Variants in PACS1 observed in about 807,000 individuals in gnomAD.
PACS1 encodes the protein phosphofurin acidic cluster sorting protein 1.
Under a neutral mutation model 115.0 loss-of-function variants are expected in PACS1, and 24 were observed. The observed-to-expected ratio is 0.21, with a 90% CI of 0.15 to 0.29. The LOEUF is 0.29. Ranked by LOEUF, PACS1 falls within the 10% of genes least tolerant of loss-of-function variation. The pLI is 1.00. For synonymous variants in PACS1, 453 were observed against 504.5 expected (o/e 0.90, Z 1.37); for missense variants, 838 against 1,251.2 (o/e 0.67, Z 4.98).
intron 2 of PACS1, among the ~76,000 whole-genome samples, chr11:66,204,055 C>T (rs1854877750): frequency 6.6e-6 from 1 of 152,120 alleles, no homozygotes. Flanking sequence ...AATGGGATCA[C>T]ATCAAGTTAA....
Position 66,173,936 on chromosome 11 carries a change from C to G in PACS1, c.357-19550C>G, listed in dbSNP as rs547865417. ...GCCTGGTGGCACGCGCCTGTAATCC[C>G]AGCTACTCAGGAAGCTGAGGCATGA... On this transcript the variant is annotated intron_variant, in intron 1 of 23. Coordinates refer to ENST00000320580, the MANE Select transcript of PACS1 (RefSeq NM_018026.4). Among the ~76,000 whole-genome samples, 26 of 152,178 alleles carry G rather than the reference C, an allele frequency of 1.7e-4. No homozygotes were observed. The East Asian group carries it at 2.7e-3, about 16-fold the overall frequency.
chr11:66,078,197 G>A (rs1056850330), intron 1 of PACS1, among the ~76,000 whole-genome samples: 1 of 152,092 alleles, frequency 6.6e-6, no homozygotes, highest in Non-Finnish European at 1.5e-5. Context: ...TAAATACAGT[G>A]GTATCCACAG....
intron 21 of PACS1, among the ~76,000 whole-genome samples, chr11:66,240,064 G>A (rs1295455282): frequency 6.6e-6 from 1 of 152,102 alleles, no homozygotes; most frequent in Non-Finnish European, 1.5e-5. Context: ...ACAGTCAGAG[G>A]GCCTCTCTAA....
chr11:66,202,782 T>TATATATATATATATATA (rs1854845586), intron 2 of PACS1, among the ~76,000 whole-genome samples: 4 of 119,684 alleles, frequency 3.3e-5, no homozygotes, highest in African/African-American at 9.8e-5. Context: ...TATATATATA[T>TATATATATATATATATA]TCTGAAAAAG....
At position 66,208,963 on chromosome 11, in the gene PACS1, A is replaced by G. The variant is rs373613741; in HGVS notation, c.445-1399A>G. On this transcript the variant is annotated intron_variant, in intron 2 of 23. Transcript: ENST00000320580. ...TTTTTTTATTGGTATTAATTTTAAA[A>G]CTGATTTTTTTTTAGACAAATTTAT... Among the ~76,000 whole-genome samples, 10 of 152,234 alleles carry G rather than the reference A, an allele frequency of 6.6e-5. No homozygotes were observed. In the South Asian group the frequency reaches 1.5e-3, roughly 22 times the overall value.
chr11:66,218,384 A>G (rs1855263262), intron 7 of PACS1: 1 of 152,200 alleles, frequency 6.6e-6, no homozygotes, highest in African/African-American at 2.4e-5. Context: ...TCAACAAATA[A>G]TTACAGCCCA....
intron 1 of PACS1, among the ~76,000 whole-genome samples, chr11:66,102,593 G>A (rs1410350708): frequency 6.6e-6 from 1 of 151,942 alleles, no homozygotes; most frequent in Non-Finnish European, 1.5e-5. Context: ...CTAAAATGCT[G>A]AGATTACAGG....
intron 2 of PACS1, among the ~76,000 whole-genome samples, chr11:66,196,233 A>G (rs1465248371): frequency 1.3e-5 from 2 of 152,222 alleles, no homozygotes; most frequent in African/African-American, 4.8e-5. Context: ...CAAACAAGGG[A>G]GAGAAAGCCA....
intron 1 of PACS1, among the ~76,000 whole-genome samples, chr11:66,110,565 A>G (rs560660467): frequency 1.3e-5 from 2 of 152,108 alleles, no homozygotes; most frequent in African/African-American, 4.8e-5. Context: ...TCTTTCCTGT[A>G]GTTTTTTTTT....
At chr11:66,096,500 G>GC (rs1458351028) in intron 1 of PACS1, among the ~76,000 whole-genome samples, 8 of 148,342 alleles carry the variant, frequency 5.4e-5, no homozygotes, top group African/African-American at 2.0e-4. Context: ...AAGTTGCTAT[G>GC]AATTTTTTTT....
chr11:66,135,951 C>A (rs936115320), intron 1 of PACS1, among the ~76,000 whole-genome samples: 1 of 152,110 alleles, frequency 6.6e-6, no homozygotes, highest in African/African-American at 2.4e-5. Context: ...GCCACTACAC[C>A]CAGCCTCCTG....
rs1311745791 is a variant in PACS1, at chr11:66,232,947, C to T, written c.1732-13C>T. On this transcript the variant is annotated splice_polypyrimidine_tract_variant and intron_variant, in intron 14 of 23. Transcript: ENST00000320580. Reference sequence around the variant, plus strand: ...CTCACCTGTGTCCCTGCTCTCCTCCCTCCCTATCCCAGTATGTGGCTGAGC... The same window carrying T: ...CTCACCTGTGTCCCTGCTCTCCTCCTTCCCTATCCCAGTATGTGGCTGAGC... 6.3e-7 allele frequency: 1 copy of T among 1,599,910 alleles called. No individual in the cohort carries two copies. Among genetic ancestry groups the T allele is most frequent in the Non-Finnish European group, 8.6e-7 (1 of 1,168,202 alleles).
At chr11:66,214,496 C>T (rs1164864288) in intron 4 of PACS1, among the ~76,000 whole-genome samples, 1 of 151,850 alleles carries the variant, frequency 6.6e-6, no homozygotes, top group Non-Finnish European at 1.5e-5. Flanking sequence ...TCCTTCCTTC[C>T]TTCCTTCCTT....
chr11:66,243,237 A>G lies in PACS1; in HGVS notation c.2849A>G (p.Lys950Arg). ...GCAGCCCAGTGGCCCACCCATGTCA[A>G]GCACTTTCCAGTGGGACTCTTCAGT... ...QLAAQWPTHVKHFPVGLFSGS... is the reference protein window; with the variant it reads ...QLAAQWPTHVRHFPVGLFSGS... Residue 950 changes from lysine (K) to arginine (R), a missense_variant, in exon 24 of 24, where the codon AAG (lysine) becomes AGG (arginine). Lys to Arg is a conservative substitution (Grantham distance 26, BLOSUM62 2). Around this residue, in one of 6 missense-constraint regions of PACS1, gnomAD observed 84 missense variants for 187.1 expected, o/e 0.45. Transcript: ENST00000320580. 1 of 1,612,164 alleles carries G rather than the reference A, an allele frequency of 6.2e-7. No individual in the cohort carries two copies. Among genetic ancestry groups the G allele is most frequent in the South Asian group, 1.1e-5 (1 of 90,700 alleles).
Position 66,220,619 on chromosome 11 carries a change from T to A in PACS1, c.1039-12T>A, listed in dbSNP as rs1311255253. On this transcript the variant is annotated splice_polypyrimidine_tract_variant and intron_variant, in intron 8 of 23. Coordinates refer to ENST00000320580, the MANE Select transcript of PACS1 (RefSeq NM_018026.4). The stretch of plus-strand genomic sequence containing the variant: ...GATGACCCTAAATTCAGAGACTCCT[T>A]TTTCCCTGCAGGTGGGCTTTGGGCT... The A allele has an allele frequency of 6.2e-7, 1 of 1,614,026 alleles. No individual in the cohort carries two copies. The highest frequency in any genetic ancestry group is 8.5e-7 in the Non-Finnish European group (1 of 1,179,950).
At chr11:66,222,991 C>T (rs1028806739) in intron 10 of PACS1, among the ~76,000 whole-genome samples, 3 of 145,584 alleles carry the variant, frequency 2.1e-5, no homozygotes, top group Non-Finnish European at 4.5e-5. Context: ...GCAGACCCTG[C>T]ACCCTAGACG....
intron 4 of PACS1, among the ~76,000 whole-genome samples, chr11:66,214,012 G>A (rs1051933179): frequency 1.4e-4 from 17 of 118,146 alleles, no homozygotes; most frequent in Admixed American, 1.4e-3. Context: ...CAGCCTGGGC[G>A]ACAGCGCGAG....
chr11:66,169,220 A>G (rs924575005), intron 1 of PACS1, among the ~76,000 whole-genome samples: 12 of 150,680 alleles, frequency 8.0e-5, no homozygotes, highest in Non-Finnish European at 1.8e-4. Flanking sequence ...ATTCTATTCC[A>G]AGTTTGCTAA....
At chr11:66,131,221 A>T (rs372012557) in intron 1 of PACS1, among the ~76,000 whole-genome samples, 22 of 152,228 alleles carry the variant, frequency 1.4e-4, no homozygotes, top group African/African-American at 4.6e-4. Context: ...TAAGTAATGC[A>T]TGATTGCTTA....
Sources: gnomAD v4.1 joint callset for allele counts (sites outside exome capture counted in the v4.1 genomes callset) on GRCh38, gnomAD v4.1.1 for gene constraint, gnomAD v4.1.1 regional missense constraint, MANE v1.5 for transcripts, NCBI Gene and HGNC (gene_info 2026-07-23, HGNC 2026-07-21) for gene names.